The following GPSM2 variants were observed in gnomAD, a reference collection of about 807,000 sequenced individuals.
GPSM2 encodes G protein-signaling modulator 2.
A neutral mutation model predicts 78.4 loss-of-function variants in GPSM2; 58 were observed. The ratio of observed to expected loss-of-function variants is 0.74; its 90% CI spans 0.60 to 0.92. The LOEUF is 0.92. GPSM2 is among the 40% of genes least tolerant of loss of function. The probability of loss-of-function intolerance (pLI) is 0.00; values close to 1 mark genes in which losing one functional copy is unlikely to be tolerated. For missense variants in GPSM2, 700 were observed against 815.5 expected (o/e 0.86, Z 1.73); for synonymous variants, 224 against 280.2 (o/e 0.80, Z 2.00).
intron 10 of GPSM2, among the ~76,000 whole-genome samples, chr1:108,907,859 G>A (rs965765084): frequency 6.6e-6 from 1 of 152,158 alleles, no homozygotes; most frequent in African/African-American, 2.4e-5. Flanking sequence ...AGTCACTCTG[G>A]CTCCAGAATC....
chr1:108,897,398 C>T, intron 3 of GPSM2, 94 bp from the exon 4 acceptor site: 6 of 1,268,140 alleles, frequency 4.7e-6, no homozygotes, highest in Non-Finnish European at 6.7e-6. Context: ...AGTTTGTCCT[C>T]TTGGAAAACT....
intron 10 of GPSM2, among the ~76,000 whole-genome samples, chr1:108,905,496 T>C (rs1372507280): frequency 6.6e-6 from 1 of 152,250 alleles, no homozygotes; most frequent in Non-Finnish European, 1.5e-5. Flanking sequence ...CAATATTTCC[T>C]ATAGCCAATC....
intron 2 of GPSM2, among the ~76,000 whole-genome samples, chr1:108,893,742 C>T (rs1020788138): frequency 1.3e-5 from 2 of 152,082 alleles, no homozygotes; most frequent in African/African-American, 4.8e-5. Context: ...CTTCATCTAG[C>T]AAAATAATCC....
intron 7 of GPSM2, among the ~76,000 whole-genome samples, chr1:108,901,297 T>C (rs1648785158): frequency 6.6e-6 from 1 of 152,232 alleles, no homozygotes; most frequent in Non-Finnish European, 1.5e-5. Flanking sequence ...GTATTTTTCA[T>C]GAGTTGGTGA....
At chr1:108,915,293 C>A (rs1570938288) in intron 11 of GPSM2, among the ~76,000 whole-genome samples, 1 of 146,518 alleles carries the variant, frequency 6.8e-6, no homozygotes, top group Non-Finnish European at 1.5e-5. Context: ...ATCGCTTGAA[C>A]CTGGGAGGCG....
intron 2 of GPSM2, among the ~76,000 whole-genome samples, chr1:108,891,544 G>C (rs561222697): frequency 6.6e-6 from 1 of 151,974 alleles, no homozygotes; most frequent in Non-Finnish European, 1.5e-5. Context: ...ACCCATGCTG[G>C]ATTGCAGAGG....
Position 108,894,174 on chromosome 1 carries a change from T to C in GPSM2, c.57-2690T>C, listed in dbSNP as rs1648184851. 3.3e-5 allele frequency among the ~76,000 whole-genome samples: 5 copies of C among 152,362 alleles called. No homozygotes were observed. The South Asian group carries it at 8.3e-4, about 25-fold the overall frequency. On this transcript the variant is annotated intron_variant, in intron 2 of 14. Transcript: ENST00000264126. The stretch of plus-strand genomic sequence containing the variant: ...TTTTCTTTTATGAAATATCTCATTT[T>C]CAGAAATACAATTCTAAAGGGCAGT...
intron 11 of GPSM2, among the ~76,000 whole-genome samples, chr1:108,917,611 C>CATATATATATATATATATATATAT (rs55909258): frequency 2.2e-4 from 5 of 22,718 alleles, no homozygotes; most frequent in African/African-American, 3.5e-4. Context: ...CACACACACA[C>CATATATATATATATATATATATAT]ATATATATAT....
intron 10 of GPSM2, among the ~76,000 whole-genome samples, chr1:108,911,140 T>C (rs1344761940): frequency 6.6e-6 from 1 of 152,064 alleles, no homozygotes; most frequent in Non-Finnish European, 1.5e-5. Flanking sequence ...AGTAAAAGAA[T>C]AGAAGATTCA....
chr1:108,928,559 A>G (rs1651346215), intron 14 of GPSM2, among the ~76,000 whole-genome samples: 1 of 152,250 alleles, frequency 6.6e-6, no homozygotes, highest in Admixed American at 6.5e-5. Flanking sequence ...CTAACAATGT[A>G]GTGCATATTC....
intron 11 of GPSM2, 34 bp downstream of exon 11, chr1:108,914,442 A>T: frequency 7.5e-7 from 1 of 1,338,654 alleles, no homozygotes; most frequent in Non-Finnish European, 1.1e-6. Flanking sequence ...AAATTTCATG[A>T]ACTATTATAA....
intron 10 of GPSM2, among the ~76,000 whole-genome samples, chr1:108,913,652 G>A (rs530422742): frequency 3.2e-4 from 48 of 152,286 alleles, no homozygotes; most frequent in African/African-American, 1.1e-3. Flanking sequence ...GCGCAGGGAA[G>A]ACAAGGGAAA....
At chr1:108,922,791 T>C (rs2101544244) in intron 13 of GPSM2, among the ~76,000 whole-genome samples, 1 of 152,270 alleles carries the variant, frequency 6.6e-6, no homozygotes, top group East Asian at 1.9e-4. Flanking sequence ...CTACTAACTA[T>C]ATTATACTAC....
chr1:108,879,474 T>C (rs149911960), intron 1 of GPSM2, among the ~76,000 whole-genome samples: 3 of 152,346 alleles, frequency 2.0e-5, no homozygotes, highest in African/African-American at 7.2e-5. Flanking sequence ...TTTATCTTCC[T>C]AGCAGAGATC....
At chr1:108,905,771 A>G (rs975552731) in intron 10 of GPSM2, among the ~76,000 whole-genome samples, 2 of 151,972 alleles carry the variant, frequency 1.3e-5, no homozygotes, top group Non-Finnish European at 2.9e-5. Flanking sequence ...CTTTTCTGTG[A>G]TGATAAAAAC....
rs774168389 is a variant in GPSM2 at position 108,898,766 on chromosome 1, G to A, written c.681+1G>A. 1 of 1,614,002 alleles carries A rather than the reference G, an allele frequency of 6.2e-7. No individual in the cohort carries two copies. The highest frequency in any genetic ancestry group is 1.7e-5 in the Admixed American group (1 of 60,020). On this transcript the variant is annotated splice_donor_variant, in intron 6 of 14. Transcript: ENST00000264126. LOFTEE classifies it high-confidence loss of function. ...GGATGCAGTTATAGCTCATGAGCAGGTACAGTGGAAAGCCTTGGAGCCAGA... is the reference window on the plus strand; with the variant it reads ...GGATGCAGTTATAGCTCATGAGCAGATACAGTGGAAAGCCTTGGAGCCAGA...
intron 10 of GPSM2, among the ~76,000 whole-genome samples, chr1:108,912,330 G>C (rs1466896149): frequency 6.6e-6 from 1 of 152,080 alleles, no homozygotes; most frequent in Non-Finnish European, 1.5e-5. Flanking sequence ...AAGACAAATA[G>C]ACCAGTGGAA....
Position 108,929,821 on chromosome 1 carries a change from CAG to C in GPSM2, c.1941_1942del (p.Arg647SerfsTer12), listed in dbSNP as rs1450246154. 8.6e-5 allele frequency: 139 copies of C among 1,613,908 alleles called. No homozygotes were observed. Among genetic ancestry groups the C allele is most frequent in the Non-Finnish European group, 1.1e-4 (135 of 1,179,946 alleles). Reference protein sequence around the residue: ...LRSQGKRMDEQRVLLQRDQNR... With the variant: ...LRSQGKRMDEXRVLLQRDQNR... ...GTCCCAGGGAAAGAGAATGGATGAA[CAG>C]AGAGTTCTTTTACAAAGAGATCAAA... is the stretch of plus-strand genomic sequence containing the variant. On this transcript the variant is annotated frameshift_variant, in exon 15 of 15. Coordinates refer to ENST00000264126, the MANE Select transcript of GPSM2 (RefSeq NM_013296.5). LOFTEE classifies it high-confidence loss of function.
At chr1:108,917,840 T>G (rs1650393217) in intron 11 of GPSM2, among the ~76,000 whole-genome samples, 1 of 150,872 alleles carries the variant, frequency 6.6e-6, no homozygotes, top group Admixed American at 6.6e-5. Context: ...TGGGGCACTT[T>G]TCTGGATTGG....
Sources: allele counts gnomAD v4.1 joint callset (sites outside exome capture counted in the v4.1 genomes callset), GRCh38; gene constraint gnomAD v4.1.1; transcripts MANE v1.5; gene names NCBI Gene and HGNC (gene_info 2026-07-23, HGNC 2026-07-21).